The following KIF21A variants were observed in gnomAD, a reference collection of about 807,000 sequenced individuals.
KIF21A encodes kinesin-like protein KIF21A.
A neutral mutation model predicts 202.9 loss-of-function variants in KIF21A; 114 were observed. That is an observed-to-expected ratio of 0.56 (90% CI 0.48 to 0.66). KIF21A has a LOEUF of 0.66. KIF21A is among the 30% of genes least tolerant of loss of function. The pLI, the probability that KIF21A is intolerant of heterozygous loss-of-function variation, is 0.00. For missense variants in KIF21A, 1,677 were observed against 1,994.9 expected, an observed-to-expected ratio of 0.84 and a Z score of 3.04; for synonymous variants, 667 against 670.8, an observed-to-expected ratio of 0.99 and a Z score of 0.09.
intron 1 of KIF21A, among the ~76,000 whole-genome samples, chr12:39,404,141 C>A (rs1952394764): frequency 6.6e-6 from 1 of 152,182 alleles, no homozygotes. Context: ...AGTGGCTATC[C>A]ACAGACACAA....
intron 30 of KIF21A, chr12:39,315,717 T>A: frequency 1.7e-6 from 1 of 605,408 alleles, no homozygotes; most frequent in Admixed American, 3.0e-5. Flanking sequence ...GTATCACAAT[T>A]TTTAAACTAT....
intron 11 of KIF21A, among the ~76,000 whole-genome samples, chr12:39,347,900 T>C (rs1291010746): frequency 5.9e-5 from 9 of 151,644 alleles, no homozygotes; most frequent in Non-Finnish European, 5.9e-5. Flanking sequence ...AATGGTAAAT[T>C]TTCCTCGTCC....
At chr12:39,433,380 A>C (rs1004765222) in intron 1 of KIF21A, among the ~76,000 whole-genome samples, 4 of 152,172 alleles carry the variant, frequency 2.6e-5, no homozygotes, top group African/African-American at 9.6e-5. Flanking sequence ...TTATCAAAAA[A>C]GTTAATGTAT....
intron 10 of KIF21A, among the ~76,000 whole-genome samples, chr12:39,354,847 G>A (rs1239707367): frequency 6.6e-6 from 1 of 151,992 alleles, no homozygotes; most frequent in Non-Finnish European, 1.5e-5. Context: ...TTTTATTTGA[G>A]CCCCATAATA....
Position 39,296,337 on chromosome 12 carries a change from G to T in KIF21A, c.4932-1820C>A, listed in dbSNP as rs541412130. Among the ~76,000 whole-genome samples the T allele has an allele frequency of 3.7e-3, 560 of 152,098 alleles. 3 individuals carry two copies. The highest frequency in any genetic ancestry group is 0.013 in the African/African-American group (530 of 41,490). On this transcript the variant is annotated intron_variant, in intron 37 of 37. Coordinates refer to ENST00000361418, the MANE Select transcript of KIF21A (RefSeq NM_001173464.2). ...GCCTGCCTCGGCCTCCCAAAGTGCT[G>T]GGATTACAGGCATGAGCCACCACGC...
chr12:39,416,702 CAT>C lies in KIF21A; in HGVS notation c.44+26223_44+26224del, dbSNP rs546761290. On this transcript the variant is annotated intron_variant, in intron 1 of 37. Transcript: ENST00000361418. ...ATATATGTGTGTATATATATATGTA[CAT>C]ATATATGTGTGTATATATGTACATA... 7.6e-3 allele frequency among the ~76,000 whole-genome samples: 581 copies of C among 76,472 alleles called. 53 individuals carry two copies. Among genetic ancestry groups the C allele is most frequent in the African/African-American group, 0.04 (514 of 12,794 alleles). The allele number at this position is 76,472 out of a possible 152,430, so 50.2% of individuals were successfully genotyped here.
chr12:39,403,676 T>G (rs1952354773), intron 1 of KIF21A, among the ~76,000 whole-genome samples: 1 of 152,212 alleles, frequency 6.6e-6, no homozygotes, highest in African/African-American at 2.4e-5. Context: ...TGGCAATAGA[T>G]GTAATAGTGA....
At chr12:39,358,091 A>G (rs1948934006) in intron 8 of KIF21A, 87 bp downstream of exon 8, 2 of 1,133,372 alleles carry the variant, frequency 1.8e-6, no homozygotes, top group East Asian at 4.7e-5. Flanking sequence ...GAGATTCCAG[A>G]AACACGTATG....
intron 1 of KIF21A, among the ~76,000 whole-genome samples, chr12:39,424,906 C>T (rs1424470160): frequency 1.3e-5 from 2 of 152,106 alleles, no homozygotes; most frequent in Admixed American, 1.3e-4. Flanking sequence ...AAAGATTTCT[C>T]ACTAAAAGCG....
chr12:39,366,154 CT>C lies in KIF21A; in HGVS notation c.903+195del. Reference sequence around the variant, plus strand: ...CTAAATTTATACACATGAAGAAAATCTGTAATATATAAAAACAGAAAAAAGC... The same window carrying C: ...CTAAATTTATACACATGAAGAAAATCGTAATATATAAAAACAGAAAAAAGC... On this transcript the variant is annotated intron_variant, in intron 6 of 37. Transcript: ENST00000361418. 2.0e-5 allele frequency among the ~76,000 whole-genome samples: 3 copies of C among 152,112 alleles called. No individual in the cohort carries two copies. The South Asian group carries it at 6.2e-4, about 32-fold the overall frequency.
chr12:39,427,949 C>T lies in KIF21A; in HGVS notation c.44+14978G>A, dbSNP rs1016569768. Among the ~76,000 whole-genome samples the T allele has an allele frequency of 4.6e-5, 7 of 152,126 alleles. No homozygotes were observed. The East Asian group carries it at 5.8e-4, about 13-fold the overall frequency. On this transcript the variant is annotated intron_variant, in intron 1 of 37. Transcript: ENST00000361418. ...GCTGAGATTACAAGCATGAGCCACC[C>T]GCGCCCAGCCACATCTTTTTCTTTC...
intron 1 of KIF21A, among the ~76,000 whole-genome samples, chr12:39,415,039 G>A (rs2140110348): frequency 1.3e-5 from 2 of 151,152 alleles, no homozygotes; most frequent in South Asian, 2.1e-4. Context: ...ACTGTTAGAG[G>A]TCACTGTGGA....
chr12:39,369,963 G>T (rs1321564122), intron 2 of KIF21A, 52 bp from the exon 3 acceptor site: 1 of 1,596,814 alleles, frequency 6.3e-7, no homozygotes, highest in South Asian at 1.1e-5. Flanking sequence ...ATAACCTTAA[G>T]AAACAAAAAT....
intron 37 of KIF21A, 75 bp downstream of exon 37, chr12:39,301,405 T>C (rs1422174127): frequency 1.6e-5 from 18 of 1,116,164 alleles, no homozygotes; most frequent in Non-Finnish European, 2.5e-5. Flanking sequence ...TCAACGTTTC[T>C]AGATATTTAC....
chr12:39,330,285 G>A lies in KIF21A; in HGVS notation c.3320-23C>T, dbSNP rs368931840. On this transcript the variant is annotated intron_variant, in intron 23 of 37. Coordinates refer to ENST00000361418, the MANE Select transcript of KIF21A (RefSeq NM_001173464.2). ...GATCTGTGTAAATAACAGCAAAAAG[G>A]AAACAAAAAGCAATACTCCAATCAA... The A allele has an allele frequency of 3.7e-5, 60 of 1,608,370 alleles. No individual in the cohort carries two copies. The African/African-American group carries it at 7.8e-4, about 21-fold the overall frequency.
intron 1 of KIF21A, among the ~76,000 whole-genome samples, chr12:39,432,682 C>A (rs907524934): frequency 1.3e-5 from 2 of 151,842 alleles, no homozygotes; most frequent in African/African-American, 2.4e-5. Flanking sequence ...ATGATCTCAG[C>A]TCACTGCAAC....
At chr12:39,350,462 A>G (rs994647506) in intron 11 of KIF21A, among the ~76,000 whole-genome samples, 1 of 152,048 alleles carries the variant, frequency 6.6e-6, no homozygotes, top group Non-Finnish European at 1.5e-5. Context: ...AACAAGTCAT[A>G]CCATTTGACA....
chr12:39,310,734 T>C (rs1398876024), intron 32 of KIF21A, among the ~76,000 whole-genome samples: 5 of 152,026 alleles, frequency 3.3e-5, no homozygotes, highest in Non-Finnish European at 5.9e-5. Flanking sequence ...TTGTTTCTCA[T>C]AGCTGGGCAT....
chr12:39,347,656 G>C (rs907031103), intron 11 of KIF21A, among the ~76,000 whole-genome samples: 1 of 151,882 alleles, frequency 6.6e-6, no homozygotes, highest in Non-Finnish European at 1.5e-5. Flanking sequence ...ATTATAAGAC[G>C]AGACTAGCAA....
Sources: allele counts gnomAD v4.1 joint callset (sites outside exome capture counted in the v4.1 genomes callset), GRCh38; gene constraint gnomAD v4.1.1; transcripts MANE v1.5; gene names NCBI Gene and HGNC (gene_info 2026-07-23, HGNC 2026-07-21).